Variants in EBF2 observed in about 807,000 individuals in gnomAD.
EBF2 encodes EBF transcription factor 2.
EBF2 carries 21 observed loss-of-function variants against 72.8 expected under a neutral mutation model. The observed-to-expected ratio is 0.29, with a 90% confidence interval of 0.20 to 0.42. The LOEUF (loss-of-function observed/expected upper bound fraction) is 0.42, where lower values mean the gene tolerates loss of function less well. Among genes scored for constraint, EBF2 ranks in the 10% least tolerant of loss-of-function variants. EBF2 has a pLI of 1.00. For synonymous variants in EBF2, 299 were observed against 274.2 expected (o/e 1.09, Z -0.89); for missense variants, 637 against 731.2 (o/e 0.87, Z 1.49).
In EBF2 at chr8:26,036,894, T is replaced by TA. The variant is rs368017160; in HGVS notation, c.482+3133dup. ...CTAAAACTAAAAATGACTCTAAGAT[T>TA]AAAAAAAAAAGTAATAAAAAAATAA... On this transcript the variant is annotated intron_variant, in intron 5 of 15. Coordinates refer to ENST00000520164, the MANE Select transcript of EBF2 (RefSeq NM_022659.4). Among the ~76,000 whole-genome samples the TA allele has an allele frequency of 6.4e-4, 94 of 147,394 alleles. 1 individual carries two copies. Among genetic ancestry groups the TA allele is most frequent in the South Asian group, 3.7e-3 (17 of 4,648 alleles).
At chr8:25,960,968 A>G (rs1804025268) in intron 6 of EBF2, among the ~76,000 whole-genome samples, 1 of 152,220 alleles carries the variant, frequency 6.6e-6, no homozygotes, top group South Asian at 2.1e-4. Flanking sequence ...ATATGTGCAT[A>G]AAAGTGTTAA....
rs575557285 is a variant in EBF2, at chr8:26,040,918, C to G, written c.352+21G>C. The G allele has an allele frequency of 8.7e-6, 14 of 1,613,898 alleles. No homozygotes were observed. The South Asian group carries it at 9.9e-5, about 11-fold the overall frequency. ...AGCCGGCTGCTAGGCGCCGGCTCAC[C>G]GTTGCTGTAGAAGAGCTCACCGTTG... On this transcript the variant is annotated intron_variant, in intron 3 of 15. Coordinates refer to ENST00000520164, the MANE Select transcript of EBF2 (RefSeq NM_022659.4).
At chr8:26,018,670 CA>C (rs202001939) in intron 6 of EBF2, among the ~76,000 whole-genome samples, 6 of 148,868 alleles carry the variant, frequency 4.0e-5, no homozygotes, top group South Asian at 4.3e-4. Flanking sequence ...GACTCCATCT[CA>C]AAAAAAAAGA....
chr8:25,948,240 C>T (rs746025484), intron 6 of EBF2, among the ~76,000 whole-genome samples: 1 of 152,216 alleles, frequency 6.6e-6, no homozygotes, highest in Non-Finnish European at 1.5e-5. Context: ...ACCGTCTTTC[C>T]TGCCGCATAC....
intron 6 of EBF2, among the ~76,000 whole-genome samples, chr8:25,953,356 T>C (rs150397230): frequency 2.9e-3 from 449 of 152,344 alleles, no homozygotes; most frequent in African/African-American, 0.01. Context: ...AATGGAAACA[T>C]GATTTTCCTT....
intron 10 of EBF2, among the ~76,000 whole-genome samples, chr8:25,864,050 A>T (rs1563380303): frequency 6.6e-6 from 1 of 152,176 alleles, no homozygotes; most frequent in African/African-American, 2.4e-5. Context: ...AATTAATGTG[A>T]TCCTAATTTC....
chr8:25,884,865 C>T (rs915264203), intron 10 of EBF2, among the ~76,000 whole-genome samples: 2 of 152,144 alleles, frequency 1.3e-5, no homozygotes, highest in African/African-American at 4.8e-5. Context: ...CCATCTACTG[C>T]TAATTGATAG....
At chr8:26,028,347 C>T (rs1394771145) in intron 6 of EBF2, among the ~76,000 whole-genome samples, 7 of 152,134 alleles carry the variant, frequency 4.6e-5, no homozygotes, top group East Asian at 1.9e-4. Context: ...GACCAATGTC[C>T]AGGGACAAAA....
At chr8:25,877,412 T>C (rs1802541144) in intron 10 of EBF2, among the ~76,000 whole-genome samples, 1 of 152,222 alleles carries the variant, frequency 6.6e-6, no homozygotes, top group South Asian at 2.1e-4. Context: ...AGCCCTGTTC[T>C]CACGTGGCTC....
intron 6 of EBF2, among the ~76,000 whole-genome samples, chr8:25,977,642 C>T (rs1299473504): frequency 6.6e-6 from 1 of 152,168 alleles, no homozygotes; most frequent in East Asian, 1.9e-4. Context: ...CCTTTGTTCC[C>T]GGACAAGGAA....
intron 6 of EBF2, among the ~76,000 whole-genome samples, chr8:26,018,045 A>C (rs1805140962): frequency 6.6e-6 from 1 of 152,146 alleles, no homozygotes; most frequent in Non-Finnish European, 1.5e-5. Flanking sequence ...GAAGGAAAAA[A>C]AAAATCTTAC....
intron 10 of EBF2, 131 bp from the exon 11 acceptor site, chr8:25,862,928 G>A (rs748269430): frequency 6.1e-5 from 26 of 426,966 alleles, no homozygotes; most frequent in Admixed American, 8.7e-5. Context: ...TTTTGCTATC[G>A]ACATTGGTTA....
rs201318744 is a variant in EBF2, at chr8:25,908,464, G to A, written c.633+10C>T. On this transcript the variant is annotated intron_variant, in intron 7 of 15. Coordinates refer to ENST00000520164, the MANE Select transcript of EBF2 (RefSeq NM_022659.4). ...CTTATTTAACAGGAAAGATCTGCAG[G>A]GCCCCTTACCTGAAACCGTCTCATG... 797 of 1,600,804 alleles carry A rather than the reference G, an allele frequency of 5.0e-4. 1 individual carries two copies. The highest frequency in any genetic ancestry group is 7.5e-4 in the South Asian group (68 of 90,236).
chr8:26,040,017 G>A lies in EBF2; in HGVS notation c.482+11C>T, dbSNP rs201894345. 8.1e-6 allele frequency: 13 copies of A among 1,612,948 alleles called. No homozygotes were observed. In the Admixed American group the frequency reaches 1.8e-4, roughly 23 times the overall value. On this transcript the variant is annotated intron_variant, in intron 5 of 15. Coordinates refer to ENST00000520164, the MANE Select transcript of EBF2 (RefSeq NM_022659.4). ...GCTCTCCAGGAAGGCCTGGGAAAAG[G>A]CGGCTCTTACCTACACATCACTTCG...
intron 6 of EBF2, among the ~76,000 whole-genome samples, chr8:25,918,507 CTAAT>C (rs1324972219): frequency 2.0e-5 from 3 of 152,198 alleles, no homozygotes; most frequent in African/African-American, 7.2e-5. Context: ...CCTTCTGTCG[CTAAT>C]TAATTTGCTG....
chr8:25,865,454 T>C lies in EBF2; in HGVS notation c.1010-2657A>G, dbSNP rs1055922913. ...CAGATGAAGACAATCAGCTTTAGAG[T>C]TGAGTAGATCTAGGGTCTGAATTCC... is the stretch of plus-strand genomic sequence containing the variant. On this transcript the variant is annotated intron_variant, in intron 10 of 15. Coordinates refer to ENST00000520164, the MANE Select transcript of EBF2 (RefSeq NM_022659.4). Among the ~76,000 whole-genome samples, 10 of 152,128 alleles carry C rather than the reference T, an allele frequency of 6.6e-5. No homozygotes were observed. In the South Asian group the frequency reaches 1.2e-3, roughly 19 times the overall value.
rs1805071598 is a variant in EBF2, at chr8:26,014,190, A to G, written c.551+18895T>C. Among the ~76,000 whole-genome samples the G allele has an allele frequency of 2.0e-5, 3 of 152,244 alleles. No individual in the cohort carries two copies. In the South Asian group the frequency reaches 6.2e-4, roughly 32 times the overall value. ...TATATAATATTAATGAATGGCATAT[A>G]TTTTAAATCTTAACTTATCAAAGAT... On this transcript the variant is annotated intron_variant, in intron 6 of 15. Transcript: ENST00000520164.
intron 6 of EBF2, among the ~76,000 whole-genome samples, chr8:26,014,996 G>A (rs769297890): frequency 6.6e-5 from 10 of 152,178 alleles, no homozygotes; most frequent in East Asian, 1.9e-4. Flanking sequence ...GATAGCAAAT[G>A]TCAGGGTAAG....
chr8:25,913,393 A>G (rs545868979), intron 6 of EBF2, among the ~76,000 whole-genome samples: 5 of 152,128 alleles, frequency 3.3e-5, no homozygotes, highest in Non-Finnish European at 7.4e-5. Flanking sequence ...GTGAGCCGAG[A>G]TCACGCCACT....
Sources: gnomAD v4.1 joint callset for allele counts (sites outside exome capture counted in the v4.1 genomes callset) on GRCh38, gnomAD v4.1.1 for gene constraint, MANE v1.5 for transcripts, NCBI Gene and HGNC (gene_info 2026-07-23, HGNC 2026-07-21) for gene names.